Variants in SIDT1 observed in about 807,000 individuals in gnomAD.
The protein encoded by SIDT1 is SID1 transmembrane family, member 1.
SIDT1 carries 101 observed loss-of-function variants against 107.5 expected under a neutral mutation model. The observed-to-expected ratio is 0.94, with a 90% CI of 0.80 to 1.11. The LOEUF (loss-of-function observed/expected upper bound fraction) is 1.11, where lower values mean the gene tolerates loss of function less well. SIDT1 is among the 50% of genes least tolerant of loss of function. SIDT1 has a pLI of 0.00. For missense variants in SIDT1, 1,076 were observed against 1,058.2 expected (o/e 1.02, Z -0.23); for synonymous variants, 395 against 398.2 (o/e 0.99, Z 0.10).
intron 23 of SIDT1, among the ~76,000 whole-genome samples, chr3:113,624,845 C>T (rs912049524): frequency 2.6e-5 from 4 of 152,136 alleles, no homozygotes; most frequent in Non-Finnish European, 5.9e-5. Context: ...GAGTTCCATA[C>T]GTGTTGCTGC....
Position 113,584,708 on chromosome 3 carries a change from C to T in SIDT1, c.846C>T (p.Asn282=), listed in dbSNP as rs371208626. The stretch of plus-strand genomic sequence containing the variant: ...TTTTTTTTAAACCAGAAAAGGAAAA[C>T]CAGACCTGGAATCTACAGCGAAAAA... The part of the protein sequence containing the change: ...GGSFFIQEKE[N]QTWNLQRKKN... Residue 282 remains asparagine (N), a synonymous_variant, in exon 8 of 25, where the codon AAC becomes AAT. Transcript: ENST00000264852. 6 of 1,595,990 alleles carry T rather than the reference C, an allele frequency of 3.8e-6. No individual in the cohort carries two copies. Among genetic ancestry groups the T allele is most frequent in the Non-Finnish European group, 5.1e-6 (6 of 1,174,016 alleles).
chr3:113,566,817 T>A (rs1249364558), intron 2 of SIDT1, among the ~76,000 whole-genome samples: 1 of 152,182 alleles, frequency 6.6e-6, no homozygotes, highest in Non-Finnish European at 1.5e-5. Flanking sequence ...GGGTACTGGG[T>A]CAACCAATAG....
chr3:113,552,241 G>C (rs972416828), intron 1 of SIDT1, among the ~76,000 whole-genome samples: 1 of 152,190 alleles, frequency 6.6e-6, no homozygotes, highest in African/African-American at 2.4e-5. Flanking sequence ...CTTCACCGGG[G>C]AGGAAGAATT....
At chr3:113,554,085 G>T (rs1940578453) in intron 1 of SIDT1, among the ~76,000 whole-genome samples, 1 of 152,056 alleles carries the variant, frequency 6.6e-6, no homozygotes, top group Admixed American at 6.6e-5. Context: ...CAAAAACTGA[G>T]GAACCTGGAG....
intron 1 of SIDT1, among the ~76,000 whole-genome samples, chr3:113,555,258 C>A (rs567300034): frequency 6.6e-6 from 1 of 152,272 alleles, no homozygotes; most frequent in South Asian, 2.1e-4. Flanking sequence ...GGACAATATT[C>A]CCCCCAAAAT....
At position 113,601,047 on chromosome 3, in the gene SIDT1, A is replaced by G. The variant is rs960101271; in HGVS notation, c.1046-541A>G. 4.6e-5 allele frequency among the ~76,000 whole-genome samples: 7 copies of G among 152,222 alleles called. No homozygotes were observed. The South Asian group carries it at 1.2e-3, about 27-fold the overall frequency. ...AGCTGAGCCAGCTCTTGGCTAAACC[A>G]CCAAAGAAGAAAAGAAATTGGATCT... On this transcript the variant is annotated intron_variant, in intron 10 of 24. Transcript: ENST00000264852.
intron 3 of SIDT1, among the ~76,000 whole-genome samples, chr3:113,576,373 G>A (rs926639233): frequency 2.0e-5 from 3 of 152,164 alleles, no homozygotes; most frequent in Non-Finnish European, 4.4e-5. Flanking sequence ...AGCCAACGTG[G>A]CAGGCAATCG....
At chr3:113,623,593 G>C in intron 22 of SIDT1, 30 bp from the exon 23 acceptor site, 2 of 1,603,090 alleles carry the variant, frequency 1.2e-6, no homozygotes, top group Non-Finnish European at 8.5e-7. Flanking sequence ...GCGGGGTCGC[G>C]TGAGGCCGCA....
intron 1 of SIDT1, among the ~76,000 whole-genome samples, chr3:113,559,962 A>G (rs1188357270): frequency 1.3e-5 from 2 of 152,172 alleles, no homozygotes; most frequent in Admixed American, 6.5e-5. Context: ...AGTTGGGTAC[A>G]GTGGAGCCAA....
At chr3:113,604,076 A>C in intron 13 of SIDT1, 43 bp downstream of exon 13, 1 of 1,397,790 alleles carries the variant, frequency 7.2e-7, no homozygotes, top group Non-Finnish European at 9.9e-7. Flanking sequence ...TTAAATAAAC[A>C]TAGTTTTCTT....
In SIDT1 at chr3:113,617,328, T is replaced by C. The variant is rs115344975; in HGVS notation, c.2043+1152T>C. Among the ~76,000 whole-genome samples the C allele has an allele frequency of 8.3e-3, 1,258 of 152,370 alleles. 16 individuals are homozygous for C. Among genetic ancestry groups the C allele is most frequent in the African/African-American group, 0.028 (1,159 of 41,590 alleles). On this transcript the variant is annotated intron_variant, in intron 20 of 24. Coordinates refer to ENST00000264852, the MANE Select transcript of SIDT1 (RefSeq NM_017699.3). ...CATACTTCAGTGTATTATATATTTCTATAGTGAGCCCAGAGCTCAGGGCCC... is the reference window on the plus strand; with the variant it reads ...CATACTTCAGTGTATTATATATTTCCATAGTGAGCCCAGAGCTCAGGGCCC...
At chr3:113,537,929 T>A (rs72950843) in intron 1 of SIDT1, among the ~76,000 whole-genome samples, 6,417 of 152,160 alleles carry the variant, frequency 0.042, 257 homozygotes, top group African/African-American at 0.11. Context: ...ATTACAGGCA[T>A]CCACTATCAA....
At chr3:113,600,524 A>G (rs1469331800) in intron 10 of SIDT1, among the ~76,000 whole-genome samples, 2 of 152,174 alleles carry the variant, frequency 1.3e-5, no homozygotes, top group Non-Finnish European at 2.9e-5. Flanking sequence ...AATTTAAAAG[A>G]CTGTCCTACA....
chr3:113,559,943 A>T (rs922464001), intron 1 of SIDT1, among the ~76,000 whole-genome samples: 1 of 152,194 alleles, frequency 6.6e-6, no homozygotes, highest in Non-Finnish European at 1.5e-5. Context: ...AGAATAATAG[A>T]TGATCCAGAG....
chr3:113,634,523 C>T (rs1332162112), downstream of SIDT1, among the ~76,000 whole-genome samples: 2 of 152,092 alleles, frequency 1.3e-5, no homozygotes, highest in Non-Finnish European at 2.9e-5. Flanking sequence ...TGGCCCGGCA[C>T]AGTGGCCCAC....
chr3:113,546,113 T>C (rs1939558494), intron 1 of SIDT1, among the ~76,000 whole-genome samples: 1 of 152,312 alleles, frequency 6.6e-6, no homozygotes, highest in South Asian at 2.1e-4. Context: ...CGTGTTTTTA[T>C]CCCTTTACCT....
At chr3:113,609,957 G>A (rs1345429840) in intron 17 of SIDT1, among the ~76,000 whole-genome samples, 2 of 151,840 alleles carry the variant, frequency 1.3e-5, no homozygotes, top group African/African-American at 4.8e-5. Context: ...TTACCTTCCC[G>A]GTTTGTTTTT....
chr3:113,616,210 C>G, intron 20 of SIDT1, 34 bp downstream of exon 20: 1 of 1,515,472 alleles, frequency 6.6e-7, no homozygotes, highest in Non-Finnish European at 9.2e-7. Flanking sequence ...TTGGCCCTGT[C>G]CCAGAAAGCA....
At chr3:113,587,719 G>A in intron 9 of SIDT1, among the ~76,000 whole-genome samples, 1 of 152,174 alleles carries the variant, frequency 6.6e-6, no homozygotes, top group East Asian at 1.9e-4. Context: ...AGGAAATTGA[G>A]GCACAGAGGG....
Sources: gnomAD v4.1 joint callset for allele counts (sites outside exome capture counted in the v4.1 genomes callset) on GRCh38, gnomAD v4.1.1 for gene constraint, MANE v1.5 for transcripts, NCBI Gene and HGNC (gene_info 2026-07-23, HGNC 2026-07-21) for gene names.